NBAS: variants seen among roughly 807,000 people sequenced by gnomAD.
NBAS encodes the protein NAG/BC035112 fusion.
In NBAS, 219 loss-of-function variants were observed where a neutral mutation model predicts 302.5. The ratio of observed to expected loss-of-function variants is 0.72; its 90% CI spans 0.65 to 0.81. NBAS has a LOEUF of 0.81. NBAS is among the 30% of genes least tolerant of loss of function. The pLI is 0.00. For missense variants in NBAS, 2,932 were observed against 2,841.6 expected (o/e 1.03, Z -0.72); for synonymous variants, 1,118 against 1,021.6 (o/e 1.09, Z -1.80).
At chr2:15,366,422 G>A (rs1333311854) in intron 32 of NBAS, among the ~76,000 whole-genome samples, 158 bp downstream of exon 32, 1 of 152,166 alleles carries the variant, frequency 6.6e-6, no homozygotes, top group Non-Finnish European at 1.5e-5. Flanking sequence ...GAGGCAGGAA[G>A]ATTTCACTGC....
At chr2:14,990,238 C>T in the NBAS span, among the ~76,000 whole-genome samples, 25,354 of 146,044 alleles carry the variant, frequency 0.17, 2,944 homozygotes, top group Non-Finnish European at 0.27. Flanking sequence ...CATGGTGAAA[C>T]CCTGTCCCTA....
At chr2:15,388,890 T>A (rs112218347) in intron 28 of NBAS, among the ~76,000 whole-genome samples, 1 of 152,094 alleles carries the variant, frequency 6.6e-6, no homozygotes, top group African/African-American at 2.4e-5. Flanking sequence ...TACAAATGTA[T>A]ATACTATATA....
At chr2:15,485,280 T>C (rs3815597) in intron 12 of NBAS, among the ~76,000 whole-genome samples, 96,913 of 151,784 alleles carry the variant, frequency 0.64, 31,658 homozygotes, top group Middle Eastern at 0.68. Context: ...AAAGAATCAA[T>C]GTAAAAAATT....
chr2:15,394,794 C>A (rs1226457203), intron 27 of NBAS, among the ~76,000 whole-genome samples: 1 of 152,062 alleles, frequency 6.6e-6, no homozygotes, highest in Admixed American at 6.6e-5. Context: ...CAGGCTCATT[C>A]TCTGTCAAGA....
the NBAS span, among the ~76,000 whole-genome samples, chr2:14,802,006 T>TGG: frequency 1.4e-5 from 2 of 147,574 alleles, no homozygotes; most frequent in Admixed American, 1.4e-4. Context: ...TCTTTTGCTG[T>TGG]GCAGAAGCTC....
At chr2:15,147,977 T>C in the NBAS span, among the ~76,000 whole-genome samples, 1 of 152,174 alleles carries the variant, frequency 6.6e-6, no homozygotes, top group African/African-American at 2.4e-5. Context: ...GAGAACCTCC[T>C]GGTGCCTTGC....
intron 40 of NBAS, among the ~76,000 whole-genome samples, chr2:15,296,465 G>T (rs1478872171): frequency 6.6e-6 from 1 of 152,028 alleles, no homozygotes; most frequent in Non-Finnish European, 1.5e-5. Flanking sequence ...GGTGGAGGTT[G>T]CAGTGAGCTG....
chr2:14,810,453 C>T, the NBAS span, among the ~76,000 whole-genome samples: 2 of 152,184 alleles, frequency 1.3e-5, no homozygotes, highest in East Asian at 1.9e-4. Context: ...CTGCTGCCAT[C>T]GATGTAAGAC....
chr2:15,499,393 A>G (rs1681196358), intron 11 of NBAS, among the ~76,000 whole-genome samples: 1 of 152,242 alleles, frequency 6.6e-6, no homozygotes, highest in Admixed American at 6.5e-5. Flanking sequence ...AATAAAGAAA[A>G]TGTGTTACAT....
chr2:15,115,253 T>C, the NBAS span, among the ~76,000 whole-genome samples: 1 of 152,216 alleles, frequency 6.6e-6, no homozygotes, highest in Non-Finnish European at 1.5e-5. Flanking sequence ...TGCCCCTGCA[T>C]GCCATCACAA....
chr2:15,246,442 C>T (rs1469192150), intron 44 of NBAS, among the ~76,000 whole-genome samples: 1 of 152,154 alleles, frequency 6.6e-6, no homozygotes, highest in Non-Finnish European at 1.5e-5. Context: ...AAGTAAATAG[C>T]TATTAAATTA....
At chr2:15,342,607 A>G (rs993323573) in intron 35 of NBAS, among the ~76,000 whole-genome samples, 1 of 152,080 alleles carries the variant, frequency 6.6e-6, no homozygotes, top group Non-Finnish European at 1.5e-5. Context: ...AGTGGGATTC[A>G]TGGGGCTCAG....
chr2:14,995,706 G>A, the NBAS span, among the ~76,000 whole-genome samples: 4 of 152,208 alleles, frequency 2.6e-5, no homozygotes, highest in Non-Finnish European at 5.9e-5. Context: ...GAGCTGAGCT[G>A]TGTCTCCCCA....
intron 26 of NBAS, 134 bp downstream of exon 26, chr2:15,402,034 T>G: frequency 1.1e-6 from 1 of 912,744 alleles, no homozygotes; most frequent in Non-Finnish European, 1.8e-6. Flanking sequence ...GGATTGCAGA[T>G]AATTTTATTT....
chr2:15,266,701 C>CA (rs1669091813), intron 44 of NBAS, among the ~76,000 whole-genome samples: 1 of 152,188 alleles, frequency 6.6e-6, no homozygotes, highest in Non-Finnish European at 1.5e-5. Flanking sequence ...CCCTCATCCT[C>CA]AATTCTTAAT....
chr2:14,809,328 G>A, the NBAS span, among the ~76,000 whole-genome samples: 2 of 152,176 alleles, frequency 1.3e-5, no homozygotes, highest in Non-Finnish European at 2.9e-5. Context: ...AGGAAAAAAT[G>A]GGTCTGTGGG....
chr2:15,009,024 C>A, the NBAS span, among the ~76,000 whole-genome samples: 1 of 152,190 alleles, frequency 6.6e-6, no homozygotes, highest in African/African-American at 2.4e-5. Flanking sequence ...GAATCAGCCT[C>A]TGGGTCTCAT....
chr2:15,206,784 G>C (rs1666166920), intron 48 of NBAS, among the ~76,000 whole-genome samples: 1 of 152,234 alleles, frequency 6.6e-6, no homozygotes, highest in Admixed American at 6.5e-5. Flanking sequence ...TGGGCCTGCA[G>C]GTGTACAGAA....
At chr2:14,824,159 C>T in the NBAS span, among the ~76,000 whole-genome samples, 7 of 152,270 alleles carry the variant, frequency 4.6e-5, no homozygotes, top group African/African-American at 1.4e-4. Flanking sequence ...GGCTAGAAAA[C>T]GTGCCCAAAT....
Sources: gnomAD v4.1 joint callset for allele counts (sites outside exome capture counted in the v4.1 genomes callset) on GRCh38, gnomAD v4.1.1 for gene constraint, MANE v1.5 for transcripts, NCBI Gene and HGNC (gene_info 2026-07-23, HGNC 2026-07-21) for gene names.